ABCC4: variants seen among roughly 807,000 people sequenced by gnomAD.
The protein encoded by ABCC4 is ATP-binding cassette sub-family C member 4.
In ABCC4, 102 loss-of-function variants were observed where a neutral mutation model predicts 168.5. The ratio of observed to expected loss-of-function variants is 0.61; its 90% confidence interval spans 0.52 to 0.71. The LOEUF is 0.71. Among genes scored for constraint, ABCC4 ranks in the 30% least tolerant of loss-of-function variants. The probability of loss-of-function intolerance (pLI) is 0.00; values close to 1 mark genes in which losing one functional copy is unlikely to be tolerated. For synonymous variants in ABCC4, 617 were observed against 590.7 expected, an observed-to-expected ratio of 1.04 and a Z score of -0.65; for missense variants, 1,402 against 1,605.8, an observed-to-expected ratio of 0.87 and a Z score of 2.17.
chr13:95,106,335 G>A (rs1191796819), intron 20 of ABCC4, among the ~76,000 whole-genome samples: 3 of 151,120 alleles, frequency 2.0e-5, no homozygotes, highest in Non-Finnish European at 4.4e-5. Context: ...ATGTGCGTGT[G>A]TGTGCGTATA....
chr13:95,278,722 G>A (rs367871948), intron 1 of ABCC4, among the ~76,000 whole-genome samples: 7 of 146,104 alleles, frequency 4.8e-5, no homozygotes, highest in Non-Finnish European at 7.5e-5. Flanking sequence ...ACCTGAGCCC[G>A]AGCACAGGGA....
chr13:95,257,407 C>T (rs9524868), intron 1 of ABCC4, among the ~76,000 whole-genome samples: 90,097 of 151,948 alleles, frequency 0.59, 27,987 homozygotes, highest in Non-Finnish European at 0.68. Flanking sequence ...GCAGCACACG[C>T]CTGTAATCCC....
intron 1 of ABCC4, chr13:95,269,305 C>T (rs2138874752): frequency 2.2e-6 from 1 of 455,738 alleles, no homozygotes; most frequent in Admixed American, 2.4e-5. Flanking sequence ...GCACAAGCAG[C>T]TCACCTGCTA....
Position 95,025,289 on chromosome 13 carries a change from ACACACCCACATACGCCCAC to A in ABCC4, c.3871-3626_3871-3608del. ...CCCACACCCCCACACACACCCCCACACACACCCACATACGCCCACCCCCCACACACACCCACACCCACAC... is the reference window on the plus strand; with the variant it reads ...CCCACACCCCCACACACACCCCCACACCCCCACACACACCCACACCCACAC... On this transcript the variant is annotated intron_variant, in intron 30 of 30. Coordinates refer to ENST00000645237, the MANE Select transcript of ABCC4 (RefSeq NM_005845.5). Among the ~76,000 whole-genome samples, 3 of 11,598 alleles carry A rather than the reference ACACACCCACATACGCCCAC, an allele frequency of 2.6e-4. No homozygotes were observed. The Admixed American group carries it at 3.6e-3, about 14-fold the overall frequency. 7.6% of individuals were successfully genotyped at this position (11,598 alleles called of 152,430 possible).
At chr13:95,171,200 A>G (rs2037462287) in intron 13 of ABCC4, among the ~76,000 whole-genome samples, 2 of 151,884 alleles carry the variant, frequency 1.3e-5, no homozygotes, top group Admixed American at 1.3e-4. Flanking sequence ...TCATCCAGGA[A>G]GCAAAACTTC....
At chr13:95,131,742 G>T (rs2035972562) in intron 19 of ABCC4, among the ~76,000 whole-genome samples, 1 of 152,084 alleles carries the variant, frequency 6.6e-6, no homozygotes, top group African/African-American at 2.4e-5. Context: ...AGAAAATAAA[G>T]GAAGTCACTA....
intron 25 of ABCC4, among the ~76,000 whole-genome samples, chr13:95,070,237 C>CT (rs1315742629): frequency 6.6e-6 from 1 of 152,032 alleles, no homozygotes; most frequent in Non-Finnish European, 1.5e-5. Context: ...GAGCAAGACT[C>CT]TGTCTCGAAA....
chr13:95,201,479 G>A (rs1223204710), intron 8 of ABCC4, among the ~76,000 whole-genome samples: 1 of 152,148 alleles, frequency 6.6e-6, no homozygotes, highest in East Asian at 1.9e-4. Flanking sequence ...TAATGAAGCT[G>A]GAGGTTGACT....
chr13:95,044,494 C>A, intron 27 of ABCC4, 56 bp from the exon 28 acceptor site: 1 of 1,516,114 alleles, frequency 6.6e-7, no homozygotes, highest in South Asian at 1.3e-5. Flanking sequence ...TGGAAGTAGT[C>A]AAGCCTCATA....
At chr13:95,283,215 CA>C (rs1262067135) in intron 1 of ABCC4, among the ~76,000 whole-genome samples, 2,632 of 100,964 alleles carry the variant, frequency 0.026, 55 homozygotes, top group African/African-American at 0.072. Context: ...GACTCCAACT[CA>C]AAAAAAAAAA....
intron 29 of ABCC4, 57 bp downstream of exon 29, chr13:95,043,625 A>C: frequency 1.4e-6 from 2 of 1,431,704 alleles, no homozygotes; most frequent in South Asian, 2.4e-5. Flanking sequence ...GGAAGGAATA[A>C]ACTGAAAAAG....
Position 95,166,233 on chromosome 13 carries a change from G to A in ABCC4, c.1959C>T (p.Thr653=). 6.2e-7 allele frequency: 1 copy of A among 1,614,126 alleles called. No individual in the cohort carries two copies. Among genetic ancestry groups the A allele is most frequent in the African/African-American group, 1.3e-5 (1 of 75,022 alleles). Residue 653 remains threonine (T), a synonymous_variant, in exon 15 of 31, where the codon ACC becomes ACT. Coordinates refer to ENST00000645237, the MANE Select transcript of ABCC4 (RefSeq NM_005845.5). ...GAGACCAAACCGAAGACTCTGAGAA[G>A]GTACGATTCCTTAGTGTGGGAGTTC... ...VPGTPTLRNR[T]FSESSVWSQQ... is the part of the protein sequence containing the mutation.
rs1555336377 is a variant in ABCC4, at chr13:95,244,609, G to GAAAGAA, written c.306+2360_306+2365dup. Among the ~76,000 whole-genome samples, 23 of 49,618 alleles carry GAAAGAA rather than the reference G, an allele frequency of 4.6e-4. 1 individual carries two copies. Among genetic ancestry groups the GAAAGAA allele is most frequent in the African/African-American group, 2.2e-3 (21 of 9,534 alleles). 32.6% of individuals were successfully genotyped at this position (49,618 alleles called of 152,430 possible). On this transcript the variant is annotated intron_variant, in intron 3 of 30. Coordinates refer to ENST00000645237, the MANE Select transcript of ABCC4 (RefSeq NM_005845.5). The stretch of plus-strand genomic sequence containing the variant: ...AATAAAATAACATGAAAGAAAGAAA[G>GAAAGAA]AAAGAAAGAAAGAAAGAAAGAAAGA...
At chr13:95,207,460 C>T (rs553456598) in intron 7 of ABCC4, among the ~76,000 whole-genome samples, 1 of 152,334 alleles carries the variant, frequency 6.6e-6, no homozygotes, top group Non-Finnish European at 1.5e-5. Context: ...CATTTGGCTA[C>T]ATTAATATAA....
chr13:95,213,898 T>C (rs1472404549), intron 4 of ABCC4, among the ~76,000 whole-genome samples: 1 of 152,094 alleles, frequency 6.6e-6, no homozygotes, highest in African/African-American at 2.4e-5. Context: ...AAACAATTAC[T>C]AGATACACAA....
At chr13:95,267,304 T>C (rs537310658) in intron 1 of ABCC4, among the ~76,000 whole-genome samples, 1 of 152,040 alleles carries the variant, frequency 6.6e-6, no homozygotes, top group South Asian at 2.1e-4. Context: ...AGTGAATAGG[T>C]CTCACGAGAT....
chr13:95,222,168 C>T (rs1371275501), intron 4 of ABCC4, among the ~76,000 whole-genome samples: 2 of 152,146 alleles, frequency 1.3e-5, no homozygotes. Context: ...GCTCACACAA[C>T]CACACCCTAT....
intron 20 of ABCC4, among the ~76,000 whole-genome samples, chr13:95,095,339 T>TATCG (rs2034560162): frequency 6.6e-6 from 1 of 151,070 alleles, no homozygotes; most frequent in Non-Finnish European, 1.5e-5. Flanking sequence ...TCTATCTATC[T>TATCG]GATGGAATAC....
At chr13:95,249,182 G>A (rs1668041136) in intron 1 of ABCC4, among the ~76,000 whole-genome samples, 1 of 150,884 alleles carries the variant, frequency 6.6e-6, no homozygotes, top group African/African-American at 2.4e-5. Context: ...GATCGCCACT[G>A]CACACCAGCC....
Sources: gnomAD v4.1 joint callset for allele counts (sites outside exome capture counted in the v4.1 genomes callset) on GRCh38, gnomAD v4.1.1 for gene constraint, MANE v1.5 for transcripts, NCBI Gene and HGNC (gene_info 2026-07-23, HGNC 2026-07-21) for gene names.